The following AACS variants were observed in gnomAD, a reference collection of about 807,000 sequenced individuals.
AACS encodes acetoacetate-CoA ligase.
Under a neutral mutation model 83.1 loss-of-function variants are expected in AACS, and 69 were observed. The observed-to-expected ratio is 0.83, with a 90% CI of 0.68 to 1.01. The LOEUF (loss-of-function observed/expected upper bound fraction) is 1.01, where lower values mean the gene tolerates loss of function less well. AACS is among the 50% of genes least tolerant of loss of function. AACS has a pLI of 0.00. For missense variants in AACS, 866 were observed against 882.2 expected (o/e 0.98, Z 0.23); for synonymous variants, 333 against 343.4 (o/e 0.97, Z 0.33).
chr12:125,076,365 C>T, intron 2 of AACS, 126 bp from the exon 3 acceptor site: 6 of 1,306,360 alleles, frequency 4.6e-6, no homozygotes, highest in Non-Finnish European at 6.4e-6. Flanking sequence ...TGCTCTGGGC[C>T]AATGAGTGAG....
At position 125,118,711 on chromosome 12, in the gene AACS, G is replaced by A. The variant is rs757104418; in HGVS notation, c.1067G>A (p.Gly356Asp). Reference sequence around the variant, plus strand: ...GGAGCGGCCATGGTCTTGTACGATGGCTCCCCCCTGGTGCCCACGCCCAAT... The same window carrying A: ...GGAGCGGCCATGGTCTTGTACGATGACTCCCCCCTGGTGCCCACGCCCAAT... ...ATGAAMVLYD[G>D]SPLVPTPNVL... The change falls in exon 10 of 18, where the codon GGC (glycine) becomes GAC (aspartate). Residue 356 changes from glycine (G) to aspartate (D), a missense_variant. Coordinates refer to ENST00000316519, the MANE Select transcript of AACS (RefSeq NM_023928.5). 3.7e-6 allele frequency: 6 copies of A among 1,613,992 alleles called. No homozygotes were observed. The highest frequency in any genetic ancestry group is 5.1e-6 in the Non-Finnish European group (6 of 1,179,986).
At chr12:125,090,655 A>G (rs1189667983) in intron 4 of AACS, among the ~76,000 whole-genome samples, 2 of 150,512 alleles carry the variant, frequency 1.3e-5, no homozygotes, top group Non-Finnish European at 3.0e-5. Context: ...CCATCCATTT[A>G]TCTATCCTCC....
At chr12:125,109,253 T>C (rs1225774780) in intron 8 of AACS, among the ~76,000 whole-genome samples, 1 of 152,168 alleles carries the variant, frequency 6.6e-6, no homozygotes, top group Non-Finnish European at 1.5e-5. Flanking sequence ...CACCTCAGTC[T>C]TCCAAGTACC....
chr12:125,095,078 T>C lies in AACS; in HGVS notation c.570+3555T>C, dbSNP rs373949547. Among the ~76,000 whole-genome samples, 47 of 152,140 alleles carry C rather than the reference T, an allele frequency of 3.1e-4. No individual in the cohort carries two copies. In the South Asian group the frequency reaches 7.7e-3, roughly 25 times the overall value. ...CGCTCGCTCTGGGTGGCTGTCACCA[T>C]GATTCAACACCGGCTGTTGGTTTCA... On this transcript the variant is annotated intron_variant, in intron 5 of 17. Coordinates refer to ENST00000316519, the MANE Select transcript of AACS (RefSeq NM_023928.5).
At chr12:125,078,634 A>C (rs552353411) in intron 3 of AACS, among the ~76,000 whole-genome samples, 1 of 152,262 alleles carries the variant, frequency 6.6e-6, no homozygotes, top group East Asian at 1.9e-4. Flanking sequence ...CAGCCTGGCC[A>C]ACATAGTGAA....
intron 8 of AACS, among the ~76,000 whole-genome samples, chr12:125,112,907 G>C (rs1254452576): frequency 6.6e-6 from 1 of 152,162 alleles, no homozygotes; most frequent in Non-Finnish European, 1.5e-5. Context: ...GCTACCATGA[G>C]AATAGTATGG....
intron 11 of AACS, 65 bp downstream of exon 11, chr12:125,124,834 T>A (rs544839094): frequency 1.2e-6 from 2 of 1,614,084 alleles, no homozygotes; most frequent in African/African-American, 2.7e-5. Flanking sequence ...TCCATCCTAT[T>A]TCCTGCTTGC....
At chr12:125,141,855 GA>G (rs35836097) in intron 17 of AACS, 218,773 of 520,742 alleles carry the variant, frequency 0.42, 48,296 homozygotes, top group East Asian at 0.6. Context: ...ACCAGTCCTT[GA>G]AAGTGCCTTT....
intron 12 of AACS, chr12:125,126,377 C>T (rs1957244888): frequency 6.6e-6 from 1 of 152,222 alleles, no homozygotes; most frequent in Non-Finnish European, 1.5e-5. Context: ...TGCCGTCCCC[C>T]TTCCCCAAGG....
In AACS at chr12:125,094,313, T is replaced by A. The variant is rs558570688; in HGVS notation, c.570+2790T>A. On this transcript the variant is annotated intron_variant, in intron 5 of 17. Coordinates refer to ENST00000316519, the MANE Select transcript of AACS (RefSeq NM_023928.5). The surrounding 1 kb of genome is among the most constrained non-coding windows in gnomAD (Gnocchi z 4.1). ...AAACTGCAATGAAGCGTGAATGTCT[T>A]CCCTTTGGAATCATGTTTTCTCTTG... Among the ~76,000 whole-genome samples the A allele has an allele frequency of 1.3e-5, 2 of 152,366 alleles. No individual in the cohort carries two copies. Among genetic ancestry groups the A allele is most frequent in the African/African-American group, 2.4e-5 (1 of 41,598 alleles).
rs1957403854 is a variant in AACS, at chr12:125,136,613, A to G, written c.1679-49A>G. 6.4e-6 allele frequency: 10 copies of G among 1,566,724 alleles called. No individual in the cohort carries two copies. In the South Asian group the frequency reaches 9.1e-5, roughly 14 times the overall value. On this transcript the variant is annotated intron_variant, in intron 16 of 17. Coordinates refer to ENST00000316519, the MANE Select transcript of AACS (RefSeq NM_023928.5). The stretch of plus-strand genomic sequence containing the variant: ...CCAGGTTGCTGTGAGGCCCGACCCC[A>G]CACTGAGGGGCCCCCTGCGTGAATG...
intron 17 of AACS, 53 bp from the exon 18 acceptor site, chr12:125,142,039 A>G: frequency 1.2e-6 from 2 of 1,607,830 alleles, no homozygotes; most frequent in Admixed American, 3.3e-5. Context: ...AGGGCTGCGG[A>G]TTTTCCCCCC....
At chr12:125,105,475 C>T (rs992374643) in intron 7 of AACS, 2 of 152,156 alleles carry the variant, frequency 1.3e-5, no homozygotes, top group Non-Finnish European at 2.9e-5. Flanking sequence ...ATTTTGTGCC[C>T]CAGGTGTATG....
At position 125,113,731 on chromosome 12, in the gene AACS, G is replaced by A. The variant is rs1956996108; in HGVS notation, c.916-746G>A. ...CATTAATAAATATGTGCCGGCATCAGCAAGAAAGACGTTCACAGGAAACTG... is the reference window on the plus strand; with the variant it reads ...CATTAATAAATATGTGCCGGCATCAACAAGAAAGACGTTCACAGGAAACTG... On this transcript the variant is annotated intron_variant, in intron 8 of 17. Coordinates refer to ENST00000316519, the MANE Select transcript of AACS (RefSeq NM_023928.5). This position sits in a 1 kb window ranked among gnomAD's most constrained non-coding sequence, Gnocchi z 4.8. 6.6e-6 allele frequency among the ~76,000 whole-genome samples: 1 copy of A among 152,224 alleles called. No individual in the cohort carries two copies. The highest frequency in any genetic ancestry group is 2.1e-4 in the South Asian group (1 of 4,836).
chr12:125,081,858 C>T, intron 3 of AACS, among the ~76,000 whole-genome samples: 1 of 147,558 alleles, frequency 6.8e-6, no homozygotes, highest in Non-Finnish European at 1.5e-5. Context: ...CAACTCTAGG[C>T]AAATAGGAAA....
intron 5 of AACS, among the ~76,000 whole-genome samples, chr12:125,095,398 C>CCCCA (rs1361478242): frequency 6.6e-6 from 1 of 152,178 alleles, no homozygotes; most frequent in Non-Finnish European, 1.5e-5. Context: ...GGTATTTGAG[C>CCCCA]CCCAGATCAC....
Position 125,142,550 on chromosome 12 carries a change from T to C in AACS, c.*321T>C, listed in dbSNP as rs1275628175. ...CTGGTGCTGAAGACAGACACACTCC[T>C]GAGCCAAGGTCTTGTCTTCAACCTC... On this transcript the variant is annotated 3_prime_UTR_variant, in exon 18 of 18. Transcript: ENST00000316519. 3.8e-6 allele frequency: 1 copy of C among 260,366 alleles called. No individual in the cohort carries two copies. Among genetic ancestry groups the C allele is most frequent in the Non-Finnish European group, 7.4e-6 (1 of 135,652 alleles). 16.1% of individuals were successfully genotyped at this position (260,366 alleles called of 1,614,324 possible). A position where few individuals can be genotyped will look rare whatever the true frequency, so the allele number is the denominator to read the frequency against.
At chr12:125,133,937 C>T in intron 14 of AACS, 66 bp from the exon 15 acceptor site, 2 of 1,544,104 alleles carry the variant, frequency 1.3e-6, no homozygotes, top group Non-Finnish European at 1.8e-6. Context: ...CACCCAGCGT[C>T]TGTCCAGGCA....
At position 125,091,513 on chromosome 12, in the gene AACS, T is replaced by C; in HGVS notation, c.560T>C (p.Phe187Ser). The change falls in exon 5 of 18, where the codon TTC becomes TCC. Residue 187 changes from phenylalanine (F) to serine (S), a missense_variant. Coordinates refer to ENST00000316519, the MANE Select transcript of AACS (RefSeq NM_023928.5). The stretch of plus-strand genomic sequence containing the variant: ...ATCTGGAGCTCCACGTCCCCGGACT[T>C]CGGTGTGAATGTGAGTCAGGGTCTG... ...GAIWSSTSPD[F>S]GVNGVLDRFS... 6.2e-7 allele frequency: 1 copy of C among 1,614,208 alleles called. No homozygotes were observed. Among genetic ancestry groups the C allele is most frequent in the Non-Finnish European group, 8.5e-7 (1 of 1,180,030 alleles).
Sources: gnomAD v4.1 joint callset for allele counts (sites outside exome capture counted in the v4.1 genomes callset) on GRCh38, gnomAD v4.1.1 for gene constraint, Gnocchi (gnomAD v3.1) non-coding constraint, MANE v1.5 for transcripts, NCBI Gene and HGNC (gene_info 2026-07-23, HGNC 2026-07-21) for gene names.